The following NRG3 variants were observed in gnomAD, a reference collection of about 807,000 sequenced individuals.
NRG3 encodes pro-neuregulin-3, membrane-bound isoform.
Under a neutral mutation model 66.9 loss-of-function variants are expected in NRG3, and 31 were observed. The observed-to-expected ratio is 0.46, with a 90% CI of 0.35 to 0.63. The LOEUF is 0.63. NRG3 is among the 20% of genes least tolerant of loss of function. The probability of loss-of-function intolerance (pLI) is 0.00; values close to 1 mark genes in which losing one functional copy is unlikely to be tolerated. For synonymous variants in NRG3, 393 were observed against 359.4 expected, an observed-to-expected ratio of 1.09 and a Z score of -1.06; for missense variants, 910 against 878.9, an observed-to-expected ratio of 1.04 and a Z score of -0.45.
At chr10:81,982,018 TC>T (rs1466409967) in intron 1 of NRG3, among the ~76,000 whole-genome samples, 1 of 152,220 alleles carries the variant, frequency 6.6e-6, no homozygotes, top group Non-Finnish European at 1.5e-5. Flanking sequence ...TTATTTTTTT[TC>T]AATAGGAATA....
chr10:81,921,970 C>T (rs1846292831), intron 1 of NRG3, among the ~76,000 whole-genome samples: 2 of 152,012 alleles, frequency 1.3e-5, no homozygotes, highest in Admixed American at 1.3e-4. Flanking sequence ...TTATGGTTCC[C>T]TTCATATAAT....
chr10:82,062,610 A>C (rs1184849367), intron 1 of NRG3, among the ~76,000 whole-genome samples: 2 of 150,010 alleles, frequency 1.3e-5, no homozygotes, highest in Non-Finnish European at 2.9e-5. Flanking sequence ...ATCTCAAAAA[A>C]AAAAGAAAAA....
chr10:82,647,760 G>A (rs569747994), intron 2 of NRG3, among the ~76,000 whole-genome samples: 10 of 152,232 alleles, frequency 6.6e-5, no homozygotes, highest in African/African-American at 2.2e-4. Flanking sequence ...GCCAGTGATG[G>A]TGAGCATTTT....
In NRG3 at chr10:81,875,438, C is replaced by G. The variant is rs2132417772; in HGVS notation, c.98C>G (p.Ala33Gly). 1 of 1,166,892 alleles carries G rather than the reference C, an allele frequency of 8.6e-7. No homozygotes were observed. The highest frequency in any genetic ancestry group is 1.1e-6 in the Non-Finnish European group (1 of 947,528). The allele number at this position is 1,166,892 out of a possible 1,614,324, so 72.3% of individuals were successfully genotyped here. The change falls in exon 1 of 9, where the codon GCG (alanine) becomes GGG (glycine). Residue 33 changes from alanine (A) to glycine (G), a missense_variant. Coordinates refer to ENST00000372141, the MANE Select transcript of NRG3 (RefSeq NM_001010848.4). The surrounding 1 kb of genome is among the most constrained non-coding windows in gnomAD (Gnocchi z 5.3). ...EGTAAAAAAA[A>G]AGGGPDGGGE... The stretch of plus-strand genomic sequence containing the variant: ...ACCGCGGCGGCTGCGGCGGCGGCAG[C>G]GGCGGGCGGGGGCCCGGACGGCGGC...
At chr10:82,313,387 A>G (rs1224385508) in intron 1 of NRG3, among the ~76,000 whole-genome samples, 1 of 152,078 alleles carries the variant, frequency 6.6e-6, no homozygotes, top group African/African-American at 2.4e-5. Context: ...ATAAAAATAA[A>G]TAAATGGAAT....
chr10:82,919,079 GTGTGTGTGTGTGTGTGTGTGTA>G (rs1174576873), intron 4 of NRG3, among the ~76,000 whole-genome samples: 1 of 148,736 alleles, frequency 6.7e-6, no homozygotes, highest in African/African-American at 2.5e-5. Context: ...GTGTGTGTGT[GTGTGTGTGTGTGTGTGTGTGTA>G]TGTGTGTGTG....
intron 3 of NRG3, among the ~76,000 whole-genome samples, chr10:82,783,933 C>A (rs1416938863): frequency 6.6e-6 from 1 of 151,964 alleles, no homozygotes; most frequent in Non-Finnish European, 1.5e-5. Flanking sequence ...AAGCTGGAGG[C>A]ATCACGCTAC....
At chr10:81,945,955 A>C (rs1848808275) in intron 1 of NRG3, among the ~76,000 whole-genome samples, 1 of 152,186 alleles carries the variant, frequency 6.6e-6, no homozygotes, top group Admixed American at 6.6e-5. Context: ...GGAGAGAGGC[A>C]TGGACAGATC....
rs547878956 is a variant in NRG3, at chr10:81,998,626, A to G, written c.823+122463A>G. On this transcript the variant is annotated intron_variant, in intron 1 of 8. Coordinates refer to ENST00000372141, the MANE Select transcript of NRG3 (RefSeq NM_001010848.4). ...TGCTAGGACTGTTGTAAAGGAATAA[A>G]TGATGCACAAGTGTTATGTGATAAA... Among the ~76,000 whole-genome samples, 328 of 152,312 alleles carry G rather than the reference A, an allele frequency of 2.2e-3. 1 individual carries two copies. The highest frequency in any genetic ancestry group is 0.01 in the Middle Eastern group (3 of 294).
chr10:82,969,873 A>G (rs1851566946), intron 6 of NRG3, among the ~76,000 whole-genome samples: 1 of 152,260 alleles, frequency 6.6e-6, no homozygotes, highest in South Asian at 2.1e-4. Context: ...ATCTGTATAT[A>G]TATAAACACC....
At chr10:81,939,657 T>C (rs1848229697) in intron 1 of NRG3, among the ~76,000 whole-genome samples, 1 of 151,800 alleles carries the variant, frequency 6.6e-6, no homozygotes, top group Non-Finnish European at 1.5e-5. Flanking sequence ...GTCTTCTCTC[T>C]TTTTTCTTAG....
At chr10:82,080,208 A>G (rs2065311526) in intron 1 of NRG3, among the ~76,000 whole-genome samples, 2 of 151,964 alleles carry the variant, frequency 1.3e-5, no homozygotes, top group Non-Finnish European at 1.5e-5. Context: ...ACCTCCTTAT[A>G]CTATAAGCAT....
At chr10:82,735,861 A>T (rs1395348938) in intron 2 of NRG3, among the ~76,000 whole-genome samples, 1 of 152,166 alleles carries the variant, frequency 6.6e-6, no homozygotes, top group African/African-American at 2.4e-5. Flanking sequence ...ACCATGGCAC[A>T]TGTATACCTA....
chr10:81,946,693 T>C (rs899403371), intron 1 of NRG3, among the ~76,000 whole-genome samples: 1 of 152,190 alleles, frequency 6.6e-6, no homozygotes, highest in East Asian at 1.9e-4. Context: ...CACAGGTTGC[T>C]ACACTCATAC....
intron 1 of NRG3, among the ~76,000 whole-genome samples, chr10:82,053,968 TTAGGGAAC>T (rs2133162293): frequency 6.6e-6 from 1 of 152,298 alleles, no homozygotes; most frequent in South Asian, 2.1e-4. Flanking sequence ...TCTGATATCT[TTAGGGAAC>T]AGCTGGTGGC....
chr10:82,428,225 T>C (rs2089573327), intron 2 of NRG3, among the ~76,000 whole-genome samples: 1 of 151,960 alleles, frequency 6.6e-6, no homozygotes, highest in African/African-American at 2.4e-5. Context: ...TTTTCTTTTC[T>C]TCTGCTTATT....
At chr10:82,095,071 C>T (rs527542208) in intron 1 of NRG3, among the ~76,000 whole-genome samples, 18 of 152,230 alleles carry the variant, frequency 1.2e-4, no homozygotes, top group African/African-American at 3.9e-4. Flanking sequence ...TTTCCCTTGG[C>T]TCCTTTTCCT....
chr10:82,686,982 A>G (rs1565203286), intron 2 of NRG3, among the ~76,000 whole-genome samples: 1 of 152,240 alleles, frequency 6.6e-6, no homozygotes, highest in Non-Finnish European at 1.5e-5. Context: ...TCAGAGAACC[A>G]TACTTGGGTC....
intron 2 of NRG3, among the ~76,000 whole-genome samples, chr10:82,705,595 T>C (rs1161594031): frequency 1.3e-5 from 2 of 152,208 alleles, no homozygotes; most frequent in Admixed American, 6.5e-5. Context: ...TGTATAACTC[T>C]GGTCTCAGAA....
Sources: allele counts gnomAD v4.1 joint callset (sites outside exome capture counted in the v4.1 genomes callset), GRCh38; gene constraint gnomAD v4.1.1; non-coding constraint Gnocchi (gnomAD v3.1); transcripts MANE v1.5; gene names NCBI Gene and HGNC (gene_info 2026-07-23, HGNC 2026-07-21).